DTNB: variants seen among roughly 807,000 people sequenced by gnomAD.
The protein encoded by DTNB is dystrobrevin beta.
Under a neutral mutation model 90.7 loss-of-function variants are expected in DTNB, and 63 were observed. The ratio of observed to expected loss-of-function variants is 0.69; its 90% CI spans 0.57 to 0.86. The LOEUF (loss-of-function observed/expected upper bound fraction) is 0.86. DTNB is among the 40% of genes least tolerant of loss of function. The pLI is 0.00. For synonymous variants in DTNB, 277 were observed against 286.7 expected (o/e 0.97, Z 0.34); for missense variants, 744 against 807.1 (o/e 0.92, Z 0.95).
chr2:25,558,107 G>A (rs1001721764), intron 8 of DTNB: 2 of 758,612 alleles, frequency 2.6e-6, no homozygotes, highest in Non-Finnish European at 1.6e-6. Context: ...CATCAAAGGC[G>A]ATCCAAAGGC....
intron 9 of DTNB, among the ~76,000 whole-genome samples, chr2:25,515,828 C>T (rs887654443): frequency 2.0e-5 from 3 of 151,912 alleles, no homozygotes; most frequent in Non-Finnish European, 4.4e-5. Context: ...CCACCTGCCT[C>T]GGCCTCCCAA....
chr2:25,547,571 G>A (rs943606841), intron 8 of DTNB, among the ~76,000 whole-genome samples: 11 of 152,118 alleles, frequency 7.2e-5, no homozygotes, highest in African/African-American at 1.7e-4. Context: ...TGATCCACCC[G>A]CCTTGGCCTC....
At chr2:25,513,042 A>T (rs1242546611) in intron 9 of DTNB, among the ~76,000 whole-genome samples, 1 of 152,226 alleles carries the variant, frequency 6.6e-6, no homozygotes, top group African/African-American at 2.4e-5. Context: ...ATTTGTTAGA[A>T]ATATGTAGAC....
chr2:25,653,804 G>A (rs1014381608), intron 1 of DTNB, among the ~76,000 whole-genome samples: 3 of 152,018 alleles, frequency 2.0e-5, no homozygotes, highest in African/African-American at 4.8e-5. Context: ...GAGCCACCAC[G>A]CTCAGCCCTG....
chr2:25,488,264 T>C (rs1036549958), intron 9 of DTNB, among the ~76,000 whole-genome samples: 2 of 152,114 alleles, frequency 1.3e-5, no homozygotes, highest in African/African-American at 4.8e-5. Context: ...AGGAAAGCTA[T>C]TGTGAAGACA....
At chr2:25,554,300 C>G (rs1252144680) in intron 8 of DTNB, among the ~76,000 whole-genome samples, 1 of 151,956 alleles carries the variant, frequency 6.6e-6, no homozygotes, top group Non-Finnish European at 1.5e-5. Flanking sequence ...ATTGGCTTTT[C>G]TATTAAACAT....
At chr2:25,616,931 CAAAAAAAA>C (rs70947896) in intron 4 of DTNB, among the ~76,000 whole-genome samples, 50 of 70,556 alleles carry the variant, frequency 7.1e-4, no homozygotes, top group Non-Finnish European at 8.8e-4. Context: ...GACCCCGTCT[CAAAAAAAA>C]AAAAAAAAAA....
At chr2:25,523,798 T>A (rs1268670351) in intron 9 of DTNB, among the ~76,000 whole-genome samples, 2 of 152,000 alleles carry the variant, frequency 1.3e-5, no homozygotes, top group African/African-American at 4.8e-5. Flanking sequence ...TGTAAACTGA[T>A]CAGATGTATT....
At chr2:25,637,115 C>A (rs191124616) in intron 3 of DTNB, among the ~76,000 whole-genome samples, 213 of 152,128 alleles carry the variant, frequency 1.4e-3, no homozygotes, top group Non-Finnish European at 2.6e-3. Flanking sequence ...GGAAAGGATT[C>A]CCTATTTAAT....
intron 9 of DTNB, among the ~76,000 whole-genome samples, chr2:25,517,069 G>C (rs927595512): frequency 6.6e-6 from 1 of 152,182 alleles, no homozygotes; most frequent in Non-Finnish European, 1.5e-5. Flanking sequence ...ATCAACTGGT[G>C]AATGGATAAC....
At chr2:25,491,146 C>CACACACACAG (rs557730193) in intron 9 of DTNB, among the ~76,000 whole-genome samples, 40 of 50,816 alleles carry the variant, frequency 7.9e-4, no homozygotes, top group South Asian at 2.0e-3. Context: ...AGCACACACA[C>CACACACACAG]ACACACACAC....
intron 10 of DTNB, among the ~76,000 whole-genome samples, chr2:25,466,111 C>T (rs2061727865): frequency 6.6e-6 from 1 of 152,062 alleles, no homozygotes; most frequent in Non-Finnish European, 1.5e-5. Context: ...AAGGAGTAGA[C>T]CACCTGAGGT....
At chr2:25,581,814 G>A (rs1410940736) in intron 6 of DTNB, among the ~76,000 whole-genome samples, 3 of 152,234 alleles carry the variant, frequency 2.0e-5, no homozygotes, top group Non-Finnish European at 4.4e-5. Context: ...TTCCGTGATT[G>A]TAACCTGGAC....
rs879624056 is a variant in DTNB at position 25,416,783 on chromosome 2, T to TGGAAGGAA, written c.1575+2724_1575+2731dup. ...AAATTAAACTACACCAGCCAGAACC[T>TGGAAGGAA]GGAAGGAAGGAAGGAAGGAACGAAG... On this transcript the variant is annotated intron_variant, in intron 16 of 20. Transcript: ENST00000406818. 8.9e-3 allele frequency among the ~76,000 whole-genome samples: 1,048 copies of TGGAAGGAA among 117,922 alleles called. 19 individuals carry two copies. The highest frequency in any genetic ancestry group is 0.018 in the African/African-American group (522 of 28,656). 77.4% of individuals were successfully genotyped at this position (117,922 alleles called of 152,430 possible). A position where few individuals can be genotyped will look rare whatever the true frequency, so the allele number is the denominator to read the frequency against.
At chr2:25,434,056 T>C in intron 12 of DTNB, 61 bp from the exon 13 acceptor site, 1 of 1,448,362 alleles carries the variant, frequency 6.9e-7, no homozygotes, top group Non-Finnish European at 9.5e-7. Context: ...CCCAGAGTTC[T>C]AGATTGACTG....
intron 8 of DTNB, among the ~76,000 whole-genome samples, chr2:25,562,625 G>A (rs555403257): frequency 1.3e-5 from 2 of 152,120 alleles, no homozygotes; most frequent in African/African-American, 4.8e-5. Flanking sequence ...CTGTCCTACT[G>A]GGTACGAAAT....
intron 9 of DTNB, among the ~76,000 whole-genome samples, chr2:25,530,572 G>GCATT (rs1381547782): frequency 6.6e-6 from 1 of 152,182 alleles, no homozygotes; most frequent in Non-Finnish European, 1.5e-5. Context: ...AGGGTATGTT[G>GCATT]CATTCATTAT....
At chr2:25,466,934 G>A (rs565905069) in intron 10 of DTNB, among the ~76,000 whole-genome samples, 4 of 152,320 alleles carry the variant, frequency 2.6e-5, no homozygotes, top group South Asian at 4.1e-4. Context: ...GGTTAAAAGC[G>A]TGAAAGAGTT....
intron 18 of DTNB, among the ~76,000 whole-genome samples, chr2:25,386,451 CAA>C (rs1324055575): frequency 6.6e-6 from 1 of 152,118 alleles, no homozygotes. Flanking sequence ...TGGAAAGAAA[CAA>C]AAGAGAGCCA....
Sources: gnomAD v4.1 joint callset for allele counts (sites outside exome capture counted in the v4.1 genomes callset) on GRCh38, gnomAD v4.1.1 for gene constraint, MANE v1.5 for transcripts, NCBI Gene and HGNC (gene_info 2026-07-23, HGNC 2026-07-21) for gene names.